TRIM40: variants seen among roughly 807,000 people sequenced by gnomAD.
TRIM40 encodes the protein tripartite motif containing 40.
Under a neutral mutation model 26.1 loss-of-function variants are expected in TRIM40, and 27 were observed. That is an observed-to-expected ratio of 1.04 (90% confidence interval 0.76 to 1.43). The LOEUF (loss-of-function observed/expected upper bound fraction) is 1.43, where lower values mean the gene tolerates loss of function less well. Among genes scored for constraint, TRIM40 ranks in the 40% most tolerant of loss-of-function variants. TRIM40 has a pLI of 0.00. For missense variants in TRIM40, 289 were observed against 307.9 expected (o/e 0.94, Z 0.46); for synonymous variants, 114 against 120.0 (o/e 0.95, Z 0.33).
At chr6:30,141,964 C>T (rs1362806781) in intron 2 of TRIM40, among the ~76,000 whole-genome samples, 1 of 152,038 alleles carries the variant, frequency 6.6e-6, no homozygotes, top group Non-Finnish European at 1.5e-5. Flanking sequence ...TACATTTTAC[C>T]ATGGATAAGG....
chr6:30,137,479 A>G (rs1030938205), intron 2 of TRIM40, 98 bp downstream of exon 2: 74 of 998,542 alleles, frequency 7.4e-5, no homozygotes, highest in Non-Finnish European at 1.1e-4. Flanking sequence ...TAGCTCAACA[A>G]TGGACATCTC....
chr6:30,140,795 G>C (rs1771301505), intron 2 of TRIM40, among the ~76,000 whole-genome samples: 1 of 152,170 alleles, frequency 6.6e-6, no homozygotes, highest in Admixed American at 6.5e-5. Flanking sequence ...AAACTGAATA[G>C]ATGATGTGAA....
chr6:30,148,611 C>G lies in TRIM40; in HGVS notation c.*799C>G, dbSNP rs1230556600. The G allele has an allele frequency of 6.6e-6, 1 of 152,230 alleles. No individual in the cohort carries two copies. The highest frequency in any genetic ancestry group is 2.1e-4 in the South Asian group (1 of 4,832). 9.4% of individuals were successfully genotyped at this position (152,230 alleles called of 1,614,324 possible). On this transcript the variant is annotated 3_prime_UTR_variant, in exon 6 of 6. Coordinates refer to ENST00000396581, the MANE Select transcript of TRIM40 (RefSeq NM_001286633.2). ...CTTCCCCAACTGAGCCGGATAAGAACCTAGTCCAGCCAACACCTTGATTAT... is the reference window on the plus strand; with the variant it reads ...CTTCCCCAACTGAGCCGGATAAGAAGCTAGTCCAGCCAACACCTTGATTAT...
In TRIM40 at chr6:30,145,686, T is replaced by G. The variant is rs116442523; in HGVS notation, c.346-308T>G. 8.7e-3 allele frequency among the ~76,000 whole-genome samples: 1,319 copies of G among 152,328 alleles called. 8 individuals are homozygous for G. The highest frequency in any genetic ancestry group is 0.027 in the Middle Eastern group (8 of 294). Reference sequence around the variant, plus strand: ...TAAGAAGTGCTAGAAGACTGTCATATAACTTTTGTATGTTGAGAGAAAGCA... The same window carrying G: ...TAAGAAGTGCTAGAAGACTGTCATAGAACTTTTGTATGTTGAGAGAAAGCA... On this transcript the variant is annotated intron_variant, in intron 2 of 5. Transcript: ENST00000396581.
rs1370193825 is a variant in TRIM40 at position 30,148,069 on chromosome 6, A to G, written c.*257A>G. The G allele has an allele frequency of 1.8e-6, 1 of 562,942 alleles. No individual in the cohort carries two copies. Among genetic ancestry groups the G allele is most frequent in the African/African-American group, 1.9e-5 (1 of 53,494 alleles). 34.9% of individuals were successfully genotyped at this position (562,942 alleles called of 1,614,324 possible). A position where few individuals can be genotyped will look rare whatever the true frequency, so the allele number is the denominator to read the frequency against. On this transcript the variant is annotated 3_prime_UTR_variant, in exon 6 of 6. Transcript: ENST00000396581. Reference sequence around the variant, plus strand: ...GTGGAGGTCGGGGCCCATGGTCTCCAGGAGCATTTGTGAAATCTCCATTTT... The same window carrying G: ...GTGGAGGTCGGGGCCCATGGTCTCCGGGAGCATTTGTGAAATCTCCATTTT...
intron 2 of TRIM40, among the ~76,000 whole-genome samples, chr6:30,140,251 C>T (rs1466403017): frequency 6.6e-6 from 1 of 152,192 alleles, no homozygotes; most frequent in African/African-American, 2.4e-5. Flanking sequence ...AATCATTCTA[C>T]TATAAAGACA....
At chr6:30,137,973 T>G (rs910190024) in intron 2 of TRIM40, among the ~76,000 whole-genome samples, 3 of 152,142 alleles carry the variant, frequency 2.0e-5, no homozygotes, top group Non-Finnish European at 2.9e-5. Context: ...AAATTTGTCT[T>G]CCTTTCTCCC....
rs1158842515 is a variant in TRIM40, at chr6:30,147,225, C to A, written c.666+16C>A. The A allele has an allele frequency of 3.7e-6, 6 of 1,613,604 alleles. No individual in the cohort carries two copies. Among genetic ancestry groups the A allele is most frequent in the Non-Finnish European group, 8.5e-7 (1 of 1,179,568 alleles). The stretch of plus-strand genomic sequence containing the variant: ...CACACTGAAGGTGCATACCCTGAGG[C>A]CTTCCCCAAGGGCTGGGATTCTCCC... On this transcript the variant is annotated intron_variant, in intron 4 of 5. Coordinates refer to ENST00000396581, the MANE Select transcript of TRIM40 (RefSeq NM_001286633.2).
At chr6:30,139,412 C>T (rs983878330) in intron 2 of TRIM40, among the ~76,000 whole-genome samples, 20 of 142,968 alleles carry the variant, frequency 1.4e-4, no homozygotes, top group Admixed American at 7.4e-4. Flanking sequence ...GGCATGATCT[C>T]GGCTCACTGC....
Position 30,147,488 on chromosome 6 carries a change from C to T in TRIM40, c.667-32C>T, listed in dbSNP as rs146533916. ...TTGGAGGTGATAGGAACCTGAGAACCAATTATGATTCTCACTTTTTCTCTC... is the reference window on the plus strand; with the variant it reads ...TTGGAGGTGATAGGAACCTGAGAACTAATTATGATTCTCACTTTTTCTCTC... On this transcript the variant is annotated intron_variant, in intron 4 of 5. Coordinates refer to ENST00000396581, the MANE Select transcript of TRIM40 (RefSeq NM_001286633.2). The T allele has an allele frequency of 3.4e-4, 555 of 1,613,694 alleles. 3 individuals are homozygous for T. In the African/African-American group the frequency reaches 6.0e-3, roughly 17 times the overall value.
chr6:30,136,660 G>T (rs1188436226), intron 1 of TRIM40, 73 bp from the exon 2 acceptor site: 5 of 249,160 alleles, frequency 2.0e-5, no homozygotes, highest in Non-Finnish European at 3.1e-5. Flanking sequence ...TTAATTTGGG[G>T]CCCGTGCAAA....
intron 2 of TRIM40, among the ~76,000 whole-genome samples, chr6:30,142,796 T>C (rs1366360115): frequency 6.6e-6 from 1 of 152,086 alleles, no homozygotes; most frequent in Non-Finnish European, 1.5e-5. Flanking sequence ...TAACAGTGAG[T>C]CCTTTCCACA....
rs1284539310 is a variant in TRIM40, at chr6:30,146,973, C to T, written c.442-12C>T. 16 of 1,568,194 alleles carry T rather than the reference C, an allele frequency of 1.0e-5. No individual in the cohort carries two copies. The highest frequency in any genetic ancestry group is 1.4e-5 in the African/African-American group (1 of 73,606). On this transcript the variant is annotated splice_polypyrimidine_tract_variant and intron_variant, in intron 3 of 5. Coordinates refer to ENST00000396581, the MANE Select transcript of TRIM40 (RefSeq NM_001286633.2). ...ACCTGACACTGAGTCTTAGGGAGCC[C>T]CTTTCCTGTAGTTTCAGGTAGACCA...
chr6:30,147,437 C>G, intron 4 of TRIM40, 83 bp from the exon 5 acceptor site: 1 of 1,607,044 alleles, frequency 6.2e-7, no homozygotes, highest in Non-Finnish European at 8.5e-7. Flanking sequence ...CCAGAGTGGC[C>G]TCCAAGAGTG....
Position 30,143,672 on chromosome 6 carries a change from G to A in TRIM40, c.346-2322G>A, listed in dbSNP as rs370528716. ...CTTTTTTTCTCTGAGGAATATTTTG[G>A]TAGGTGAAAGTGTATAGAATTTAGC... is the stretch of plus-strand genomic sequence containing the variant. On this transcript the variant is annotated intron_variant, in intron 2 of 5. Coordinates refer to ENST00000396581, the MANE Select transcript of TRIM40 (RefSeq NM_001286633.2). Among the ~76,000 whole-genome samples the A allele has an allele frequency of 3.3e-4, 50 of 152,096 alleles. 5 individuals carry two copies. The highest frequency in any genetic ancestry group is 3.3e-3 in the East Asian group (17 of 5,182).
At position 30,136,999 on chromosome 6, in the gene TRIM40, C is replaced by A; in HGVS notation, c.-38C>A. 6.3e-7 allele frequency: 1 copy of A among 1,585,748 alleles called. No individual in the cohort carries two copies. The highest frequency in any genetic ancestry group is 8.6e-7 in the Non-Finnish European group (1 of 1,163,412). On this transcript the variant is annotated 5_prime_UTR_variant, in exon 2 of 6. Transcript: ENST00000396581. ...TTCCGAAGACCAGTGAAGAAGGAGG[C>A]CCTGCAAACAGGAGGCTGACAGGGT...
chr6:30,143,837 T>C (rs951275974), intron 2 of TRIM40, among the ~76,000 whole-genome samples: 1 of 152,018 alleles, frequency 6.6e-6, no homozygotes, highest in Admixed American at 6.6e-5. Context: ...TATGACAGTA[T>C]TATCTTCAGT....
chr6:30,147,646 T>C (rs969998219), intron 5 of TRIM40, 79 bp from the exon 6 acceptor site: 59 of 1,608,978 alleles, frequency 3.7e-5, no homozygotes, highest in Non-Finnish European at 4.6e-5. Context: ...CTTTTGTATC[T>C]TGATGCTACA....
intron 2 of TRIM40, among the ~76,000 whole-genome samples, chr6:30,143,231 A>C: frequency 6.6e-6 from 1 of 152,160 alleles, no homozygotes; most frequent in East Asian, 1.9e-4. Context: ...GTAGCTATGT[A>C]TTTTACAACA....
Sources: gnomAD v4.1 joint callset for allele counts (sites outside exome capture counted in the v4.1 genomes callset) on GRCh38, gnomAD v4.1.1 for gene constraint, MANE v1.5 for transcripts, NCBI Gene and HGNC (gene_info 2026-07-23, HGNC 2026-07-21) for gene names.